Variants in CYP3A5 observed in about 807,000 individuals in gnomAD.
The protein encoded by CYP3A5 is cytochrome P450 family 3 subfamily A member 5.
A neutral mutation model predicts 55.9 loss-of-function variants in CYP3A5; 51 were observed. The ratio of observed to expected loss-of-function variants is 0.91; its 90% CI spans 0.73 to 1.15. The LOEUF is 1.15. Ranked by LOEUF, CYP3A5 falls within the 50% of genes most tolerant of loss-of-function variation. The pLI, the probability that CYP3A5 is intolerant of heterozygous loss-of-function variation, is 0.00. For missense variants in CYP3A5, 533 were observed against 596.6 expected, an observed-to-expected ratio of 0.89 and a Z score of 1.11; for synonymous variants, 196 against 213.9, an observed-to-expected ratio of 0.92 and a Z score of 0.73.
Position 99,664,090 on chromosome 7 carries a change from A to G in CYP3A5, c.676T>C (p.Phe226Leu), listed in dbSNP as rs1810725413. Reference sequence around the variant, plus strand: ...TCAAAAACTGGGGTAAGGAATGGAAAGAGTACTGTGGGAAAAACAAAACAA... The same window carrying G: ...TCAAAAACTGGGGTAAGGAATGGAAGGAGTACTGTGGGAAAAACAAAACAA... ...LDPLFLSIILFPFLTPVFEAL... is the reference protein window; with the variant it reads ...LDPLFLSIILLPFLTPVFEAL... The change falls in exon 8 of 13, where the codon TTT becomes CTT. Residue 226 changes from phenylalanine (F) to leucine (L), a missense_variant. By Grantham distance (22) the Phe-to-Leu change is conservative. Transcript: ENST00000222982. 6.3e-7 allele frequency: 1 copy of G among 1,581,954 alleles called. No homozygotes were observed. Among genetic ancestry groups the G allele is most frequent in the East Asian group, 2.3e-5 (1 of 43,584 alleles).
At position 99,676,119 on chromosome 7, in the gene CYP3A5, C is replaced by T. The variant is rs186648988; in HGVS notation, c.161G>A (p.Arg54His). 3.5e-5 allele frequency: 56 copies of T among 1,613,358 alleles called. No homozygotes were observed. The highest frequency in any genetic ancestry group is 1.2e-4 in the Admixed American group (7 of 60,018). Reference protein sequence around the residue: ...LPLLGNVLSYRQGLWKFDTEC... With the variant: ...LPLLGNVLSYHQGLWKFDTEC... ...GAGGAAGCTCAAGCAACTCACCTGACGATAGGACAAAACATTTCCCAACAA... is the reference window on the plus strand; with the variant it reads ...GAGGAAGCTCAAGCAACTCACCTGATGATAGGACAAAACATTTCCCAACAA... Residue 54 changes from arginine (R) to histidine (H), a missense_variant, in exon 2 of 13, where the codon CGT becomes CAT. Arg to His is a conservative substitution (Grantham distance 29, BLOSUM62 0). Coordinates refer to ENST00000222982, the MANE Select transcript of CYP3A5 (RefSeq NM_000777.5).
At position 99,679,921 on chromosome 7, in the gene CYP3A5, T is replaced by G. The variant is rs867796630; in HGVS notation, c.-25A>C. On this transcript the variant is annotated 5_prime_UTR_variant, in exon 1 of 13. Transcript: ENST00000222982. Reference sequence around the variant, plus strand: ...TCGCCACTTTCCTTCTTCAACTGTGTTCTGTGAGTCTTCCTTTTAGCTGAG... The same window carrying G: ...TCGCCACTTTCCTTCTTCAACTGTGGTCTGTGAGTCTTCCTTTTAGCTGAG... 1.2e-5 allele frequency: 20 copies of G among 1,608,132 alleles called. No homozygotes were observed. In the African/African-American group the frequency reaches 2.0e-4, roughly 16 times the overall value.
chr7:99,663,972 T>C lies in CYP3A5; in HGVS notation c.794A>G (p.Gln265Arg). 4 of 1,581,456 alleles carry C rather than the reference T, an allele frequency of 2.5e-6. No individual in the cohort carries two copies. Among genetic ancestry groups the C allele is most frequent in the Non-Finnish European group, 3.4e-6 (4 of 1,171,896 alleles). The change falls in exon 8 of 13, where the codon CAA becomes CGA. Residue 265 changes from glutamine to arginine, a missense_variant. By Grantham distance (43) the Gln-to-Arg change is conservative (BLOSUM62 1). Transcript: ENST00000222982. Reference sequence around the variant, plus strand: ...TTAACCACCATCAGATTTTACCTTTTGTTTGTCGTTGAGGCGACTTTTCTT... The same window carrying C: ...TTAACCACCATCAGATTTTACCTTTCGTTTGTCGTTGAGGCGACTTTTCTT... ...RMKKSRLNDK[Q>R]KHRLDFLQLM...
At chr7:99,670,940 G>A (rs1177432800) in intron 4 of CYP3A5, 2 of 152,134 alleles carry the variant, frequency 1.3e-5, no homozygotes, top group Non-Finnish European at 2.9e-5. Context: ...TATCAAAAAA[G>A]TAGTGAAGTT....
At chr7:99,659,687 G>A (rs1454412967) in intron 10 of CYP3A5, 1 of 152,558 alleles carries the variant, frequency 6.6e-6, no homozygotes. Context: ...AGTCTACAGA[G>A]GCAGGCAGAC....
At chr7:99,669,397 T>A (rs1562998642) in intron 4 of CYP3A5, among the ~76,000 whole-genome samples, 1 of 152,220 alleles carries the variant, frequency 6.6e-6, no homozygotes, top group Non-Finnish European at 1.5e-5. Context: ...TCGGACTCAA[T>A]CGTAAGGTAA....
In CYP3A5 at chr7:99,673,271, A is replaced by G. The variant is rs541661932; in HGVS notation, c.219-592T>C. Among the ~76,000 whole-genome samples, 3 of 152,306 alleles carry G rather than the reference A, an allele frequency of 2.0e-5. No individual in the cohort carries two copies. In the South Asian group the frequency reaches 6.2e-4, roughly 32 times the overall value. ...AGGACTTGAGGGGAGAAGATGAAGA[A>G]GTACAAAGAGGCAAAGCTTTCTCCC... On this transcript the variant is annotated intron_variant, in intron 3 of 12. Transcript: ENST00000222982.
intron 11 of CYP3A5, among the ~76,000 whole-genome samples, 160 bp from the exon 12 acceptor site, chr7:99,650,392 C>T (rs754398826): frequency 1.8e-4 from 27 of 152,142 alleles, no homozygotes; most frequent in Non-Finnish European, 1.6e-4. Context: ...TTGGTTATTT[C>T]GTTATAATCA....
At chr7:99,672,890 A>G (rs1811812415) in intron 3 of CYP3A5, 1 of 1,375,226 alleles carries the variant, frequency 7.3e-7, no homozygotes, top group Non-Finnish European at 9.4e-7. Context: ...GATGAAGGGT[A>G]ATGTGGTCCA....
chr7:99,656,961 T>C (rs1809804157), intron 10 of CYP3A5, among the ~76,000 whole-genome samples: 1 of 152,120 alleles, frequency 6.6e-6, no homozygotes, highest in African/African-American at 2.4e-5. Flanking sequence ...TCTATTTGAT[T>C]CTTCTCTCTT....
chr7:99,674,544 T>C lies in CYP3A5; in HGVS notation c.207A>G (p.Gly69=), dbSNP rs748338169. Residue 69 remains glycine, a synonymous_variant, in exon 3 of 13, where the codon GGA becomes GGG. Transcript: ENST00000222982. ...TTCAGAATACTCACCCCCACATTTT[T>C]CCATACTTTTTATAGCACTCTGTGT... ...KFDTECYKKY[G]KMWGTYEGQL... The C allele has an allele frequency of 1.9e-6, 3 of 1,613,624 alleles. No individual in the cohort carries two copies. The highest frequency in any genetic ancestry group is 1.3e-5 in the African/African-American group (1 of 74,904).
At chr7:99,660,871 A>G (rs1025228330) in intron 9 of CYP3A5, among the ~76,000 whole-genome samples, 10 of 152,138 alleles carry the variant, frequency 6.6e-5, no homozygotes, top group Admixed American at 2.0e-4. Context: ...CAAGGTCTAC[A>G]TGATTGTGGG....
intron 11 of CYP3A5, among the ~76,000 whole-genome samples, chr7:99,650,834 G>A (rs886360914): frequency 6.6e-6 from 1 of 151,656 alleles, no homozygotes; most frequent in Non-Finnish European, 1.5e-5. Flanking sequence ...GATAGTTTAA[G>A]TCACATAAGT....
At chr7:99,674,418 G>A (rs1176836655) in intron 3 of CYP3A5, 115 bp downstream of exon 3, 2 of 712,784 alleles carry the variant, frequency 2.8e-6, no homozygotes, top group Non-Finnish European at 4.7e-6. Flanking sequence ...CTCTCTGTTT[G>A]TATTTAGGTT....
rs1371679148 is a variant in CYP3A5 at position 99,668,453 on chromosome 7, A to G, written c.319-1388T>C. ...GAATGTATCCCAATACAAATGTGGA[A>G]ACTTTCTTAAAACATTTTGAGTTTT... On this transcript the variant is annotated intron_variant, in intron 4 of 12. Coordinates refer to ENST00000222982, the MANE Select transcript of CYP3A5 (RefSeq NM_000777.5). 2.0e-5 allele frequency among the ~76,000 whole-genome samples: 3 copies of G among 152,214 alleles called. 1 individual carries two copies. The South Asian group carries it at 6.2e-4, about 32-fold the overall frequency.
chr7:99,651,230 TG>T (rs1809153470), intron 11 of CYP3A5, among the ~76,000 whole-genome samples: 1 of 152,220 alleles, frequency 6.6e-6, no homozygotes, highest in African/African-American at 2.4e-5. Context: ...AACATGTACT[TG>T]TGTATATGTC....
At chr7:99,663,443 A>C (rs1361701435) in intron 8 of CYP3A5, 1 of 989,848 alleles carries the variant, frequency 1.0e-6, no homozygotes, top group Non-Finnish European at 1.2e-6. Flanking sequence ...GGCAAAGCTG[A>C]GTTAGCCAGC....
intron 2 of CYP3A5, 88 bp from the exon 3 acceptor site, chr7:99,674,673 A>G (rs1042720549): frequency 1.8e-5 from 20 of 1,091,520 alleles, no homozygotes; most frequent in Non-Finnish European, 2.3e-5. Context: ...GTTGCGTCCA[A>G]TGAAATCAGG....
intron 4 of CYP3A5, among the ~76,000 whole-genome samples, chr7:99,667,592 A>G (rs1368795434): frequency 6.6e-6 from 1 of 152,240 alleles, no homozygotes; most frequent in Non-Finnish European, 1.5e-5. Flanking sequence ...TTCCTTGAAA[A>G]TTCTTTTCTC....
Sources: gnomAD v4.1 joint callset for allele counts (sites outside exome capture counted in the v4.1 genomes callset) on GRCh38, gnomAD v4.1.1 for gene constraint, MANE v1.5 for transcripts, NCBI Gene and HGNC (gene_info 2026-07-23, HGNC 2026-07-21) for gene names.